Variants in TMEM135 observed in about 807,000 individuals in gnomAD.
The protein encoded by TMEM135 is transmembrane protein 135.
In TMEM135, 30 loss-of-function variants were observed where a neutral mutation model predicts 60.3. The observed-to-expected ratio is 0.50, with a 90% CI of 0.37 to 0.68. The LOEUF (loss-of-function observed/expected upper bound fraction) is 0.68, where lower values mean the gene tolerates loss of function less well. Among genes scored for constraint, TMEM135 ranks in the 30% least tolerant of loss-of-function variants. The pLI is 0.00. For synonymous variants in TMEM135, 190 were observed against 186.7 expected (o/e 1.02, Z -0.14); for missense variants, 468 against 548.8 (o/e 0.85, Z 1.47).
intron 4 of TMEM135, among the ~76,000 whole-genome samples, chr11:87,138,926 G>C (rs771874983): frequency 1.3e-5 from 2 of 152,074 alleles, no homozygotes; most frequent in Non-Finnish European, 2.9e-5. Flanking sequence ...TGGAATGCAG[G>C]GTTTTCATAA....
At chr11:87,069,112 C>G (rs1198833302) in intron 2 of TMEM135, among the ~76,000 whole-genome samples, 2 of 150,176 alleles carry the variant, frequency 1.3e-5, no homozygotes, top group African/African-American at 2.5e-5. Flanking sequence ...CAGTGAAACC[C>G]CGTCTCTACT....
At chr11:87,275,851 G>A (rs566200057) in intron 6 of TMEM135, among the ~76,000 whole-genome samples, 3 of 151,886 alleles carry the variant, frequency 2.0e-5, no homozygotes, top group African/African-American at 4.8e-5. Context: ...TAGTAGAGAC[G>A]GGGTTTCACC....
At chr11:87,212,642 C>G (rs1940398608) in intron 5 of TMEM135, among the ~76,000 whole-genome samples, 1 of 151,712 alleles carries the variant, frequency 6.6e-6, no homozygotes, top group African/African-American at 2.4e-5. Flanking sequence ...GGCAACACCG[C>G]AAAACCCTGT....
intron 6 of TMEM135, among the ~76,000 whole-genome samples, chr11:87,264,097 CT>C (rs1941703974): frequency 6.6e-6 from 1 of 151,882 alleles, no homozygotes; most frequent in Non-Finnish European, 1.5e-5. Context: ...TCATGGAATG[CT>C]TTATCTTTCT....
intron 4 of TMEM135, among the ~76,000 whole-genome samples, chr11:87,155,591 C>T (rs150120840): frequency 6.6e-6 from 1 of 152,042 alleles, no homozygotes; most frequent in Non-Finnish European, 1.5e-5. Context: ...AAGTTTAGGG[C>T]CACTGACTGA....
In TMEM135 at chr11:87,268,162, TC is replaced by T. The variant is rs200892890; in HGVS notation, c.510-27618del. ...TCCCTCTCCTTTCCTTTATTTCCTT[TC>T]CTTTCCTTTCTTTTCTTTTCTTTCT... On this transcript the variant is annotated intron_variant, in intron 6 of 14. Transcript: ENST00000305494. Among the ~76,000 whole-genome samples, 3 of 146,718 alleles carry T rather than the reference TC, an allele frequency of 2.0e-5. 1 individual carries two copies. The highest frequency in any genetic ancestry group is 4.6e-5 in the Non-Finnish European group (3 of 65,842).
At chr11:87,089,967 G>A (rs533298061) in intron 3 of TMEM135, among the ~76,000 whole-genome samples, 1 of 152,158 alleles carries the variant, frequency 6.6e-6, no homozygotes, top group East Asian at 1.9e-4. Context: ...AGAATGTGCA[G>A]GTTTCTGCCA....
intron 7 of TMEM135, among the ~76,000 whole-genome samples, chr11:87,298,967 A>C: frequency 6.6e-6 from 1 of 151,994 alleles, no homozygotes; most frequent in East Asian, 1.9e-4. Context: ...GGGCGCCTGT[A>C]ATCCCAGCGA....
intron 3 of TMEM135, among the ~76,000 whole-genome samples, chr11:87,089,446 G>A (rs190389309): frequency 6.6e-6 from 1 of 152,238 alleles, no homozygotes; most frequent in African/African-American, 2.4e-5. Context: ...GGGAAACTGA[G>A]GCAGTAAGAT....
chr11:87,062,867 AC>A (rs1949963894), intron 1 of TMEM135, among the ~76,000 whole-genome samples: 1 of 152,200 alleles, frequency 6.6e-6, no homozygotes, highest in Non-Finnish European at 1.5e-5. Context: ...TGAAATCTAA[AC>A]AGCACGTTTC....
In TMEM135 at chr11:87,142,049, C is replaced by T. The variant is rs1158562711; in HGVS notation, c.397-15292C>T. 2.6e-5 allele frequency among the ~76,000 whole-genome samples: 4 copies of T among 152,248 alleles called. No homozygotes were observed. In the East Asian group the frequency reaches 5.8e-4, roughly 22 times the overall value. On this transcript the variant is annotated intron_variant, in intron 4 of 14. Coordinates refer to ENST00000305494, the MANE Select transcript of TMEM135 (RefSeq NM_022918.4). Reference sequence around the variant, plus strand: ...CAAGGACTTGAGAGAGGGTCCTCCTCCCCAAACCCCCTCAGGCTTTGCTTT... The same window carrying T: ...CAAGGACTTGAGAGAGGGTCCTCCTTCCCAAACCCCCTCAGGCTTTGCTTT...
At chr11:87,133,451 T>G (rs1197251014) in intron 4 of TMEM135, among the ~76,000 whole-genome samples, 2 of 152,184 alleles carry the variant, frequency 1.3e-5, no homozygotes, top group African/African-American at 4.8e-5. Flanking sequence ...TTGTTTATAT[T>G]TTCTAGAATT....
At chr11:87,122,787 G>A (rs995310361) in intron 4 of TMEM135, among the ~76,000 whole-genome samples, 1 of 152,014 alleles carries the variant, frequency 6.6e-6, no homozygotes, top group Non-Finnish European at 1.5e-5. Context: ...AAATCTATCC[G>A]GCTATTACTT....
At chr11:87,071,637 T>C in intron 3 of TMEM135, 22 bp downstream of exon 3, 1 of 1,597,146 alleles carries the variant, frequency 6.3e-7, no homozygotes, top group South Asian at 1.1e-5. Flanking sequence ...TATATTTATT[T>C]AACGGAACTG....
At chr11:87,148,467 C>T (rs1249044231) in intron 4 of TMEM135, among the ~76,000 whole-genome samples, 1 of 152,162 alleles carries the variant, frequency 6.6e-6, no homozygotes, top group Non-Finnish European at 1.5e-5. Context: ...TCTTCTTCTA[C>T]TGGAGAAGGT....
chr11:87,290,973 G>C (rs575846150), intron 6 of TMEM135, among the ~76,000 whole-genome samples: 66 of 152,256 alleles, frequency 4.3e-4, no homozygotes, highest in Non-Finnish European at 7.1e-4. Context: ...AATGTGATTA[G>C]GATAAATGGA....
chr11:87,255,860 A>C (rs1489956884), intron 6 of TMEM135, among the ~76,000 whole-genome samples: 1 of 152,150 alleles, frequency 6.6e-6, no homozygotes, highest in African/African-American at 2.4e-5. Flanking sequence ...TATCTAGAGT[A>C]GCCTTTTATA....
intron 7 of TMEM135, 152 bp downstream of exon 7, chr11:87,295,975 T>C: frequency 1.5e-6 from 1 of 651,826 alleles, no homozygotes; most frequent in Non-Finnish European, 2.6e-6. Flanking sequence ...GATAAATAGC[T>C]CATTGAAAGA....
chr11:87,245,339 T>G (rs1388095060), intron 6 of TMEM135, among the ~76,000 whole-genome samples: 5 of 114,744 alleles, frequency 4.4e-5, no homozygotes, highest in Admixed American at 3.3e-4. Flanking sequence ...TGATTTGGGG[T>G]GGAGGGTTCT....
Sources: gnomAD v4.1 joint callset for allele counts (sites outside exome capture counted in the v4.1 genomes callset) on GRCh38, gnomAD v4.1.1 for gene constraint, MANE v1.5 for transcripts, NCBI Gene and HGNC (gene_info 2026-07-23, HGNC 2026-07-21) for gene names.